ANO1: variants seen among roughly 807,000 people sequenced by gnomAD.
The protein encoded by ANO1 is anoctamin-1.
ANO1 carries 59 observed loss-of-function variants against 124.0 expected under a neutral mutation model. The observed-to-expected ratio is 0.48, with a 90% CI of 0.39 to 0.59. The LOEUF (loss-of-function observed/expected upper bound fraction) is 0.59. ANO1 is among the 20% of genes least tolerant of loss of function. ANO1 has a pLI of 0.00. For missense variants in ANO1, 1,059 were observed against 1,328.0 expected, an observed-to-expected ratio of 0.80 and a Z score of 3.15; for synonymous variants, 529 against 532.0, an observed-to-expected ratio of 0.99 and a Z score of 0.08.
Position 70,103,167 on chromosome 11 carries a change from T to C in ANO1, c.540+3T>C, listed in dbSNP as rs536436231. 34 of 1,605,618 alleles carry C rather than the reference T, an allele frequency of 2.1e-5. No homozygotes were observed. In the Admixed American group the frequency reaches 2.7e-4, roughly 13 times the overall value. On this transcript the variant is annotated splice_donor_region_variant and intron_variant, in intron 3 of 25. Coordinates refer to ENST00000355303, the MANE Select transcript of ANO1 (RefSeq NM_018043.7). ...AACTGAAGATGCCGACGAAGAAGGT[T>C]GGTGTTGATGGTCCTGCTCCGAAAT... is the stretch of plus-strand genomic sequence containing the variant.
At chr11:70,081,183 A>G (rs1233422177) in intron 1 of ANO1, among the ~76,000 whole-genome samples, 1 of 152,222 alleles carries the variant, frequency 6.6e-6, no homozygotes, top group Non-Finnish European at 1.5e-5. Context: ...GTGCAGAGAT[A>G]TAAGAAGAAA....
At chr11:70,006,549 CCTTT>C (rs1235203959) in intron 1 of ANO1, among the ~76,000 whole-genome samples, 4,317 of 150,554 alleles carry the variant, frequency 0.029, 82 homozygotes, top group Middle Eastern at 0.082. Flanking sequence ...TTTCTTTCTT[CCTTT>C]CTTTCTTTCT....
At chr11:70,180,260 T>TTCA (rs1356049745) in intron 23 of ANO1, among the ~76,000 whole-genome samples, 1 of 149,840 alleles carries the variant, frequency 6.7e-6, no homozygotes, top group East Asian at 1.9e-4. Flanking sequence ...ACAAATTCTC[T>TTCA]TCAACCTTTT....
At chr11:70,073,911 C>T (rs530923764), upstream of ANO1, among the ~76,000 whole-genome samples, 3 of 146,442 alleles carry the variant, frequency 2.0e-5, no homozygotes, top group South Asian at 2.2e-4. Context: ...CGGCAGTTTC[C>T]GAGCCCATGG....
chr11:69,966,922 C>T, the ANO1 span, among the ~76,000 whole-genome samples: 2 of 152,166 alleles, frequency 1.3e-5, no homozygotes, highest in Non-Finnish European at 2.9e-5. Flanking sequence ...ACAATGATCA[C>T]AAACCCTAGA....
chr11:70,066,280 G>C (rs1857716139), intron 1 of ANO1, among the ~76,000 whole-genome samples: 2 of 152,162 alleles, frequency 1.3e-5, no homozygotes, highest in African/African-American at 4.8e-5. Flanking sequence ...TGCCCTCGTG[G>C]GCACTAAGGG....
At chr11:70,177,359 C>T (rs934368106) in intron 22 of ANO1, among the ~76,000 whole-genome samples, 1 of 152,224 alleles carries the variant, frequency 6.6e-6, no homozygotes, top group African/African-American at 2.4e-5. Context: ...TGTGCCTGTT[C>T]CCACATTTCT....
At chr11:69,972,658 G>A in the ANO1 span, among the ~76,000 whole-genome samples, 8 of 152,046 alleles carry the variant, frequency 5.3e-5, no homozygotes, top group Non-Finnish European at 7.4e-5. Flanking sequence ...ATCAACATTT[G>A]CCTGGAGACG....
At chr11:70,173,480 C>T (rs1444657177) in intron 22 of ANO1, among the ~76,000 whole-genome samples, 1 of 152,180 alleles carries the variant, frequency 6.6e-6, no homozygotes, top group Non-Finnish European at 1.5e-5. Flanking sequence ...CTCCGAAGAC[C>T]CTGCTAACCA....
chr11:69,976,725 T>C, the ANO1 span, among the ~76,000 whole-genome samples: 57,947 of 151,888 alleles, frequency 0.38, 12,633 homozygotes, highest in South Asian at 0.6. Context: ...ACAATGTCTA[T>C]GGTTTCAGCC....
At chr11:70,139,062 T>C (rs2047056977) in intron 11 of ANO1, among the ~76,000 whole-genome samples, 2 of 152,242 alleles carry the variant, frequency 1.3e-5, no homozygotes, top group South Asian at 4.1e-4. Context: ...ATTCGTTTAG[T>C]CCGCTTAGGA....
the ANO1 span, among the ~76,000 whole-genome samples, chr11:69,978,699 G>A: frequency 1.3e-5 from 2 of 152,172 alleles, no homozygotes; most frequent in Non-Finnish European, 2.9e-5. Context: ...TCCATGTGAG[G>A]TGTCCCCTCT....
intron 10 of ANO1, among the ~76,000 whole-genome samples, chr11:70,127,520 C>G (rs1228186536): frequency 1.3e-5 from 2 of 152,236 alleles, no homozygotes; most frequent in East Asian, 1.9e-4. Context: ...CCAGTTCCCC[C>G]ACATGACTTC....
rs11235487 is a variant in ANO1 at position 70,185,132 on chromosome 11, T to C, written c.2589-458T>C. Among the ~76,000 whole-genome samples, 191 of 152,274 alleles carry C rather than the reference T, an allele frequency of 1.3e-3. 3 individuals are homozygous for C. The East Asian group carries it at 0.029, about 23-fold the overall frequency. On this transcript the variant is annotated intron_variant, in intron 24 of 25. Transcript: ENST00000355303. ...CTGAAGTTCTGTGGAGCATGGGCGT[T>C]GGGTTGAGGTTCAGGAGGTTCAAGC...
intron 1 of ANO1, among the ~76,000 whole-genome samples, chr11:70,027,796 G>T (rs782607104): frequency 6.6e-6 from 1 of 152,186 alleles, no homozygotes; most frequent in African/African-American, 2.4e-5. Context: ...CGCCCTTCTT[G>T]CTAGTGGGGA....
chr11:69,979,694 C>T, the ANO1 span, among the ~76,000 whole-genome samples: 10 of 152,144 alleles, frequency 6.6e-5, no homozygotes, highest in Non-Finnish European at 1.2e-4. Context: ...CTTCCTTTTC[C>T]TCCAAATGCA....
chr11:70,068,422 G>A (rs898293917), intron 1 of ANO1, among the ~76,000 whole-genome samples: 6 of 152,304 alleles, frequency 3.9e-5, no homozygotes, highest in Middle Eastern at 3.4e-3. Context: ...GCCAGGCTCC[G>A]CTGGGTCCTG....
chr11:70,159,236 G>T (rs544138311), intron 16 of ANO1, among the ~76,000 whole-genome samples: 1 of 152,210 alleles, frequency 6.6e-6, no homozygotes, highest in Non-Finnish European at 1.5e-5. Flanking sequence ...AGAAGGGGAA[G>T]GGTGGGGGAA....
chr11:69,997,020 G>A (rs963475824), intron 1 of ANO1, among the ~76,000 whole-genome samples: 7 of 152,130 alleles, frequency 4.6e-5, no homozygotes, highest in Admixed American at 4.6e-4. Context: ...GAACAGTGGG[G>A]TCACCTCCTG....
Sources: allele counts gnomAD v4.1 joint callset (sites outside exome capture counted in the v4.1 genomes callset), GRCh38; gene constraint gnomAD v4.1.1; transcripts MANE v1.5; gene names NCBI Gene and HGNC (gene_info 2026-07-23, HGNC 2026-07-21).